The following AGBL4 variants were observed in gnomAD, a reference collection of about 807,000 sequenced individuals.
AGBL4 encodes AGBL carboxypeptidase 4.
In AGBL4, 58 loss-of-function variants were observed where a neutral mutation model predicts 66.4. That is an observed-to-expected ratio of 0.87 (90% confidence interval 0.71 to 1.09). The LOEUF is 1.09. Among genes scored for constraint, AGBL4 ranks in the 50% least tolerant of loss-of-function variants. The pLI, the probability that AGBL4 is intolerant of heterozygous loss-of-function variation, is 0.00. For synonymous variants in AGBL4, 234 were observed against 222.9 expected, an observed-to-expected ratio of 1.05 and a Z score of -0.44; for missense variants, 579 against 631.0, an observed-to-expected ratio of 0.92 and a Z score of 0.88.
intron 5 of AGBL4, among the ~76,000 whole-genome samples, chr1:48,872,916 G>T (rs1327921994): frequency 6.6e-6 from 1 of 152,152 alleles, no homozygotes; most frequent in Non-Finnish European, 1.5e-5. Context: ...CAGGCAGAGT[G>T]GGGGAATGCA....
intron 2 of AGBL4, among the ~76,000 whole-genome samples, chr1:49,753,628 G>A (rs1651652057): frequency 6.6e-6 from 1 of 152,092 alleles, no homozygotes; most frequent in Non-Finnish European, 1.5e-5. Flanking sequence ...TTGCTAGGTT[G>A]GGGAATTTCT....
At chr1:49,618,087 G>A (rs1645284544) in intron 3 of AGBL4, among the ~76,000 whole-genome samples, 1 of 152,148 alleles carries the variant, frequency 6.6e-6, no homozygotes. Flanking sequence ...TCCCACTTAT[G>A]AGTGAGAACA....
chr1:48,529,270 A>G, downstream of AGBL4, among the ~76,000 whole-genome samples: 1 of 151,934 alleles, frequency 6.6e-6, no homozygotes, highest in African/African-American at 2.4e-5. Flanking sequence ...TCTGGGGAGA[A>G]GAAAAGCTTT....
At chr1:49,032,567 G>T (rs928268603) in intron 5 of AGBL4, among the ~76,000 whole-genome samples, 1 of 152,158 alleles carries the variant, frequency 6.6e-6, no homozygotes, top group Non-Finnish European at 1.5e-5. Flanking sequence ...GGCATCACAG[G>T]ATCAGTGAAG....
At chr1:48,967,643 C>T (rs1658552365) in intron 5 of AGBL4, among the ~76,000 whole-genome samples, 1 of 152,008 alleles carries the variant, frequency 6.6e-6, no homozygotes, top group Non-Finnish European at 1.5e-5. Context: ...GAGGAGATGC[C>T]CTTTTTAAAG....
chr1:48,650,887 T>G (rs1645918875), intron 8 of AGBL4, among the ~76,000 whole-genome samples: 1 of 152,196 alleles, frequency 6.6e-6, no homozygotes, highest in South Asian at 2.1e-4. Context: ...ATGTTTAACT[T>G]TGCTTAACTC....
chr1:49,671,499 G>A (rs1402366837), intron 3 of AGBL4, among the ~76,000 whole-genome samples: 1 of 152,052 alleles, frequency 6.6e-6, no homozygotes, highest in East Asian at 1.9e-4. Context: ...CTAATTAAAT[G>A]TAAGAGCTTC....
chr1:48,891,312 C>T (rs12022537), intron 5 of AGBL4, among the ~76,000 whole-genome samples: 76,472 of 151,922 alleles, frequency 0.5, 22,218 homozygotes, highest in Non-Finnish European at 0.67. Flanking sequence ...CTAAAAAGCA[C>T]AAGCAAAGAA....
intron 6 of AGBL4, among the ~76,000 whole-genome samples, chr1:48,711,492 C>T (rs1361777505): frequency 8.5e-5 from 13 of 152,262 alleles, no homozygotes; most frequent in Non-Finnish European, 1.2e-4. Context: ...CACCAGGCAC[C>T]GCTATGTCAG....
At chr1:49,334,294 T>A (rs1557848307) in intron 3 of AGBL4, among the ~76,000 whole-genome samples, 4 of 152,172 alleles carry the variant, frequency 2.6e-5, no homozygotes, top group Non-Finnish European at 5.9e-5. Flanking sequence ...CCAGGTCTAG[T>A]CCTTTTTCTA....
chr1:49,219,966 G>GT (rs953079933), intron 4 of AGBL4, among the ~76,000 whole-genome samples: 14 of 150,538 alleles, frequency 9.3e-5, no homozygotes, highest in South Asian at 2.1e-4. Flanking sequence ...TTTAGTTTTT[G>GT]TTTTTTTTTC....
At position 49,954,845 on chromosome 1, in the gene AGBL4, G is replaced by A. The variant is rs974542420; in HGVS notation, c.34+68918C>T. Among the ~76,000 whole-genome samples, 10 of 151,888 alleles carry A rather than the reference G, an allele frequency of 6.6e-5. 1 individual carries two copies. The East Asian group carries it at 1.9e-3, about 30-fold the overall frequency. On this transcript the variant is annotated intron_variant, in intron 1 of 13. Coordinates refer to ENST00000371839, the MANE Select transcript of AGBL4 (RefSeq NM_032785.4). ...AAATGGTAGAGAAAAAAATATAGAA[G>A]GATTCTTGGTGTTTTACCACCATGA...
intron 6 of AGBL4, among the ~76,000 whole-genome samples, chr1:48,672,852 A>G (rs1478678837): frequency 6.6e-6 from 1 of 152,224 alleles, no homozygotes; most frequent in Non-Finnish European, 1.5e-5. Context: ...ATTGATGATG[A>G]TTCTAATGGG....
At chr1:49,462,756 C>T (rs1646542457) in intron 3 of AGBL4, among the ~76,000 whole-genome samples, 1 of 151,604 alleles carries the variant, frequency 6.6e-6, no homozygotes, top group African/African-American at 2.4e-5. Flanking sequence ...GACCTGATAA[C>T]CTGATAATTA....
intron 3 of AGBL4, among the ~76,000 whole-genome samples, chr1:49,415,580 C>G (rs961435150): frequency 6.6e-6 from 1 of 151,954 alleles, no homozygotes; most frequent in Admixed American, 6.6e-5. Flanking sequence ...AGAAATAAAA[C>G]TAGAAAGGTA....
At chr1:48,581,265 G>A (rs561489050) in intron 11 of AGBL4, among the ~76,000 whole-genome samples, 69 of 152,184 alleles carry the variant, frequency 4.5e-4, no homozygotes, top group African/African-American at 1.6e-3. Context: ...GGCATATATG[G>A]GCTCTGAAAT....
intron 3 of AGBL4, among the ~76,000 whole-genome samples, chr1:49,411,664 T>C (rs1416443281): frequency 6.6e-6 from 1 of 151,062 alleles, no homozygotes; most frequent in African/African-American, 2.4e-5. Context: ...CAGATAGTAA[T>C]TCAATGTGAC....
intron 3 of AGBL4, among the ~76,000 whole-genome samples, chr1:49,254,294 G>A (rs1043714955): frequency 3.3e-5 from 5 of 152,100 alleles, no homozygotes; most frequent in Non-Finnish European, 5.9e-5. Context: ...AGTTGCTTAA[G>A]CTAATAAACA....
intron 6 of AGBL4, chr1:48,728,128 C>T (rs1162085860): frequency 2.4e-6 from 3 of 1,243,244 alleles, no homozygotes; most frequent in African/African-American, 3.0e-5. Flanking sequence ...AAATGTACCT[C>T]CCAACATACT....
Sources: gnomAD v4.1 joint callset for allele counts (sites outside exome capture counted in the v4.1 genomes callset) on GRCh38, gnomAD v4.1.1 for gene constraint, MANE v1.5 for transcripts, NCBI Gene and HGNC (gene_info 2026-07-23, HGNC 2026-07-21) for gene names.